The following RNF6 variants were observed in gnomAD, a reference collection of about 807,000 sequenced individuals.
RNF6 encodes ring finger protein 6.
In RNF6, 21 loss-of-function variants were observed where a neutral mutation model predicts 50.1. That is an observed-to-expected ratio of 0.42 (90% CI 0.30 to 0.60). RNF6 has a LOEUF of 0.60. Ranked by LOEUF, RNF6 falls within the 20% of genes least tolerant of loss-of-function variation. The pLI is 0.20. For missense variants in RNF6, 698 were observed against 838.2 expected, an observed-to-expected ratio of 0.83 and a Z score of 2.07; for synonymous variants, 255 against 291.8, an observed-to-expected ratio of 0.87 and a Z score of 1.29.
chr13:26,155,873 C>A (rs1473436229), intron 5 of RNF6, among the ~76,000 whole-genome samples: 1 of 152,118 alleles, frequency 6.6e-6, no homozygotes, highest in East Asian at 1.9e-4. Flanking sequence ...GCGGACAGGG[C>A]AGAAGGAGTC....
chr13:26,188,537 G>C (rs1192150628), intron 5 of RNF6, among the ~76,000 whole-genome samples: 1 of 147,868 alleles, frequency 6.8e-6, no homozygotes, highest in East Asian at 2.1e-4. Flanking sequence ...GTGACACACA[G>C]AAGTGAAGAC....
intron 4 of RNF6, among the ~76,000 whole-genome samples, chr13:26,217,943 A>G (rs1390795451): frequency 6.6e-6 from 1 of 152,206 alleles, no homozygotes; most frequent in Admixed American, 6.5e-5. Flanking sequence ...CATGGTAACT[A>G]ATACAATGAT....
chr13:26,218,527 A>T lies in RNF6; in HGVS notation c.273T>A (p.Asp91Glu), dbSNP rs760000674. 2 of 1,613,710 alleles carry T rather than the reference A, an allele frequency of 1.2e-6. No homozygotes were observed. Among genetic ancestry groups the T allele is most frequent in the Non-Finnish European group, 1.7e-6 (2 of 1,179,676 alleles). Residue 91 changes from aspartate (D) to glutamate (E), a missense_variant, in exon 4 of 5, where the codon GAT becomes GAA. Coordinates refer to ENST00000381588, the MANE Select transcript of RNF6 (RefSeq NM_005977.4). ...CCATAGTACCTCTGTAATTCGTTCC[A>T]TCTCTCAAGTCAGGCTGAGATGCTA... ...EQLASQPDLR[D>E]GTNYRDSEVP...
At chr13:26,155,466 G>A (rs1871865704) in intron 5 of RNF6, among the ~76,000 whole-genome samples, 1 of 152,066 alleles carries the variant, frequency 6.6e-6, no homozygotes, top group Non-Finnish European at 1.5e-5. Flanking sequence ...GTGGGGTGGA[G>A]GATGGGGCAA....
At chr13:26,149,920 GTA>G (rs10690747) in intron 5 of RNF6, among the ~76,000 whole-genome samples, 844 of 32,312 alleles carry the variant, frequency 0.026, 160 homozygotes, top group African/African-American at 0.1. Context: ...TATATAATGT[GTA>G]TATATATATA....
intron 2 of RNF6, among the ~76,000 whole-genome samples, chr13:26,219,893 T>A (rs1870297397): frequency 6.6e-6 from 1 of 152,216 alleles, no homozygotes; most frequent in African/African-American, 2.4e-5. Context: ...TAAGTCAGAC[T>A]GGATTTGGGT....
At chr13:26,170,324 G>C (rs1872637925) in intron 5 of RNF6, among the ~76,000 whole-genome samples, 1 of 151,940 alleles carries the variant, frequency 6.6e-6, no homozygotes, top group African/African-American at 2.4e-5. Flanking sequence ...GATTTAATAG[G>C]TGAAGAATTC....
At chr13:26,141,245 C>G (rs1253578302) in intron 5 of RNF6, among the ~76,000 whole-genome samples, 1 of 151,986 alleles carries the variant, frequency 6.6e-6, no homozygotes, top group Non-Finnish European at 1.5e-5. Context: ...GCCTGGCCAA[C>G]AGTGATACCC....
intron 4 of RNF6, among the ~76,000 whole-genome samples, chr13:26,216,033 T>C (rs1347327269): frequency 6.6e-6 from 1 of 152,248 alleles, no homozygotes; most frequent in Non-Finnish European, 1.5e-5. Context: ...CTCAGTCATT[T>C]TTGCAACTAG....
At chr13:26,216,130 C>T (rs1593197206) in intron 4 of RNF6, among the ~76,000 whole-genome samples, 1 of 152,290 alleles carries the variant, frequency 6.6e-6, no homozygotes, top group Middle Eastern at 3.4e-3. Flanking sequence ...CTGAATATAA[C>T]ATTAAAACCA....
At chr13:26,185,161 T>C (rs1324389930) in intron 5 of RNF6, among the ~76,000 whole-genome samples, 3 of 152,052 alleles carry the variant, frequency 2.0e-5, no homozygotes, top group Non-Finnish European at 4.4e-5. Context: ...CATGCCCGGC[T>C]AATTTTTTCA....
At chr13:26,173,810 A>T (rs1872816374) in intron 5 of RNF6, among the ~76,000 whole-genome samples, 1 of 151,948 alleles carries the variant, frequency 6.6e-6, no homozygotes, top group Non-Finnish European at 1.5e-5. Context: ...AATTAGCTGG[A>T]TGTGGTGGTG....
At chr13:26,146,730 A>G (rs931214000) in intron 5 of RNF6, among the ~76,000 whole-genome samples, 1 of 152,136 alleles carries the variant, frequency 6.6e-6, no homozygotes, top group African/African-American at 2.4e-5. Context: ...AGAACCCTTT[A>G]TGACTCCCAA....
chr13:26,219,739 G>C, intron 2 of RNF6, 72 bp from the exon 3 acceptor site: 2 of 1,348,564 alleles, frequency 1.5e-6, no homozygotes, highest in South Asian at 1.5e-5. Flanking sequence ...TTTTTAACTT[G>C]CAGTTTTTCT....
chr13:26,156,720 T>C (rs4770928), intron 5 of RNF6, among the ~76,000 whole-genome samples: 110,642 of 152,098 alleles, frequency 0.73, 40,459 homozygotes, highest in East Asian at 0.83. Context: ...AAAAATAAAA[T>C]AAAAACTACT....
intron 5 of RNF6, among the ~76,000 whole-genome samples, chr13:26,188,673 TTGC>T (rs1873673683): frequency 7.3e-6 from 1 of 136,620 alleles, no homozygotes; most frequent in Non-Finnish European, 1.5e-5. Context: ...TCTCACTCTG[TTGC>T]CAGGCTGGAG....
intron 5 of RNF6, among the ~76,000 whole-genome samples, chr13:26,141,968 A>G (rs2137557690): frequency 6.6e-6 from 1 of 152,286 alleles, no homozygotes; most frequent in South Asian, 2.1e-4. Flanking sequence ...AATATTCACA[A>G]ATTATGTATC....
At chr13:26,142,840 C>T (rs1262925580) in intron 5 of RNF6, among the ~76,000 whole-genome samples, 2 of 152,124 alleles carry the variant, frequency 1.3e-5, no homozygotes, top group Non-Finnish European at 2.9e-5. Flanking sequence ...ATAGACTCAT[C>T]ACAAACCTGC....
intron 5 of RNF6, among the ~76,000 whole-genome samples, chr13:26,183,368 C>G (rs1455323130): frequency 6.6e-6 from 1 of 152,110 alleles, no homozygotes; most frequent in Non-Finnish European, 1.5e-5. Context: ...TTAGAAGCGC[C>G]AATGTGAGGA....
Sources: gnomAD v4.1 joint callset for allele counts (sites outside exome capture counted in the v4.1 genomes callset) on GRCh38, gnomAD v4.1.1 for gene constraint, MANE v1.5 for transcripts, NCBI Gene and HGNC (gene_info 2026-07-23, HGNC 2026-07-21) for gene names.